Variants in TMCO4 observed in about 807,000 individuals in gnomAD.
TMCO4 encodes transmembrane and coiled-coil domain-containing protein 4.
A neutral mutation model predicts 64.7 loss-of-function variants in TMCO4; 58 were observed. That is an observed-to-expected ratio of 0.90 (90% CI 0.73 to 1.12). The LOEUF (loss-of-function observed/expected upper bound fraction) is 1.12. TMCO4 is among the 50% of genes most tolerant of loss of function. The pLI is 0.00. For synonymous variants in TMCO4, 325 were observed against 346.1 expected, an observed-to-expected ratio of 0.94 and a Z score of 0.68; for missense variants, 780 against 825.9, an observed-to-expected ratio of 0.94 and a Z score of 0.68.
intron 13 of TMCO4, among the ~76,000 whole-genome samples, chr1:19,729,635 G>A (rs2095422371): frequency 6.6e-6 from 1 of 151,782 alleles, no homozygotes; most frequent in Admixed American, 6.6e-5. Flanking sequence ...GTGTGGTGGT[G>A]TGCACCTGTA....
intron 13 of TMCO4, among the ~76,000 whole-genome samples, chr1:19,711,877 G>A (rs1027080224): frequency 1.3e-5 from 2 of 152,084 alleles, no homozygotes; most frequent in African/African-American, 2.4e-5. Context: ...GGCTGGTCTC[G>A]AACTTCCGAC....
intron 13 of TMCO4, among the ~76,000 whole-genome samples, chr1:19,703,552 TC>T (rs2095286085): frequency 7.1e-6 from 1 of 140,230 alleles, no homozygotes; most frequent in African/African-American, 2.6e-5. Context: ...TTTCTTTTCT[TC>T]CTCTTTTTTT....
At chr1:19,725,901 TG>T in intron 13 of TMCO4, among the ~76,000 whole-genome samples, 1 of 152,322 alleles carries the variant, frequency 6.6e-6, no homozygotes, top group East Asian at 1.9e-4. Context: ...ATCAACCAGC[TG>T]GCCCAGGCCT....
intron 6 of TMCO4, among the ~76,000 whole-genome samples, chr1:19,756,446 C>A (rs1426896061): frequency 1.3e-5 from 2 of 151,974 alleles, no homozygotes; most frequent in Non-Finnish European, 2.9e-5. Context: ...ATCCCCTTTG[C>A]CCCAGGAATT....
chr1:19,726,658 C>G (rs1261280588), intron 13 of TMCO4, among the ~76,000 whole-genome samples: 2 of 152,156 alleles, frequency 1.3e-5, no homozygotes, highest in Non-Finnish European at 2.9e-5. Context: ...GTGCCTGGCA[C>G]ACACTAAGTG....
At chr1:19,772,719 C>T (rs939387210) in intron 4 of TMCO4, among the ~76,000 whole-genome samples, 3 of 152,198 alleles carry the variant, frequency 2.0e-5, no homozygotes, top group African/African-American at 7.2e-5. Flanking sequence ...GGGACTCCAA[C>T]ACTGGGTTCT....
At chr1:19,747,939 C>T (rs1451801645) in intron 7 of TMCO4, among the ~76,000 whole-genome samples, 1 of 152,180 alleles carries the variant, frequency 6.6e-6, no homozygotes, top group Admixed American at 6.5e-5. Context: ...TAAGTAGGAA[C>T]TCTGAACTGA....
At chr1:19,790,716 T>C (rs564187384) in intron 2 of TMCO4, among the ~76,000 whole-genome samples, 2 of 152,318 alleles carry the variant, frequency 1.3e-5, no homozygotes, top group South Asian at 4.1e-4. Context: ...GGTGGGAATG[T>C]AAATTAGTTC....
chr1:19,695,478 C>T (rs1160803683), intron 14 of TMCO4, among the ~76,000 whole-genome samples: 1 of 152,230 alleles, frequency 6.6e-6, no homozygotes, highest in Non-Finnish European at 1.5e-5. Flanking sequence ...CCAACTCAGC[C>T]CATTCTGCTG....
At chr1:19,776,244 A>G (rs938529182) in intron 4 of TMCO4, among the ~76,000 whole-genome samples, 6 of 152,234 alleles carry the variant, frequency 3.9e-5, no homozygotes, top group Admixed American at 2.6e-4. Context: ...TTTGTGCATC[A>G]GAAAACAGAG....
chr1:19,700,572 T>C (rs540145703), intron 14 of TMCO4, among the ~76,000 whole-genome samples, 196 bp downstream of exon 14: 25 of 152,348 alleles, frequency 1.6e-4, no homozygotes, highest in Non-Finnish European at 3.1e-4. Context: ...CTGTCCATCA[T>C]GCTACTGGAG....
chr1:19,799,648 C>G (rs1049413554), intron 1 of TMCO4, among the ~76,000 whole-genome samples: 1 of 152,352 alleles, frequency 6.6e-6, no homozygotes, highest in South Asian at 2.1e-4. Flanking sequence ...CAACCACCAG[C>G]AGGCGGCCTG....
chr1:19,692,257 G>A (rs941557703), intron 15 of TMCO4, among the ~76,000 whole-genome samples: 5 of 152,010 alleles, frequency 3.3e-5, no homozygotes, highest in South Asian at 4.2e-4. Flanking sequence ...TCCCCTCCCC[G>A]CCTCCCCCTA....
chr1:19,727,767 C>T (rs140594639), intron 13 of TMCO4, among the ~76,000 whole-genome samples: 1 of 152,318 alleles, frequency 6.6e-6, no homozygotes, highest in African/African-American at 2.4e-5. Context: ...ATGTTCACTG[C>T]AGCACTATTC....
At chr1:19,756,434 T>A (rs922163114) in intron 6 of TMCO4, among the ~76,000 whole-genome samples, 2 of 151,924 alleles carry the variant, frequency 1.3e-5, no homozygotes, top group African/African-American at 4.8e-5. Context: ...TAAAAAAAAA[T>A]AATCCCCTTT....
rs150840968 is a variant in TMCO4, at chr1:19,721,879, T to C, written c.1264+15493A>G. On this transcript the variant is annotated intron_variant, in intron 13 of 15. Transcript: ENST00000294543. ...GGCCAAACCTGGAAATATACTGACCTTCCAGGTACTACTAACCTTGGGACT... is the reference window on the plus strand; with the variant it reads ...GGCCAAACCTGGAAATATACTGACCCTCCAGGTACTACTAACCTTGGGACT... Among the ~76,000 whole-genome samples the C allele has an allele frequency of 5.3e-3, 808 of 152,276 alleles. 4 individuals carry two copies. Among genetic ancestry groups the C allele is most frequent in the African/African-American group, 0.018 (760 of 41,542 alleles).
At chr1:19,745,698 G>A (rs370669025) in intron 9 of TMCO4, 47 bp from the exon 10 acceptor site, 37 of 1,563,420 alleles carry the variant, frequency 2.4e-5, no homozygotes, top group Non-Finnish European at 3.0e-5. Flanking sequence ...CTGGGGCCCC[G>A]GGGAACATCA....
At chr1:19,795,483 T>C (rs2044262599) in intron 2 of TMCO4, among the ~76,000 whole-genome samples, 1 of 151,802 alleles carries the variant, frequency 6.6e-6, no homozygotes, top group Non-Finnish European at 1.5e-5. Flanking sequence ...AAAAAGTAAA[T>C]AAATAAAAAA....
At chr1:19,786,105 A>T (rs1488446070) in intron 3 of TMCO4, among the ~76,000 whole-genome samples, 2 of 152,142 alleles carry the variant, frequency 1.3e-5, no homozygotes, top group Non-Finnish European at 2.9e-5. Context: ...AAAATTAGCC[A>T]GGCATGGTGG....
Sources: allele counts gnomAD v4.1 joint callset (sites outside exome capture counted in the v4.1 genomes callset), GRCh38; gene constraint gnomAD v4.1.1; transcripts MANE v1.5; gene names NCBI Gene and HGNC (gene_info 2026-07-23, HGNC 2026-07-21).